The following KALRN variants were observed in gnomAD, a reference collection of about 807,000 sequenced individuals.
KALRN encodes the protein kalirin.
In KALRN, 70 loss-of-function variants were observed where a neutral mutation model predicts 353.7. The observed-to-expected ratio is 0.20, with a 90% CI of 0.16 to 0.24. The LOEUF is 0.24. Among genes scored for constraint, KALRN ranks in the 10% least tolerant of loss-of-function variants. The pLI is 1.00. For synonymous variants in KALRN, 1,391 were observed against 1,434.8 expected (o/e 0.97, Z 0.69); for missense variants, 2,791 against 3,756.7 (o/e 0.74, Z 6.72).
At chr3:124,537,315 T>C (rs1166373429) in intron 33 of KALRN, among the ~76,000 whole-genome samples, 1 of 152,224 alleles carries the variant, frequency 6.6e-6, no homozygotes, top group Admixed American at 6.5e-5. Flanking sequence ...GTACTGGGAT[T>C]ACAGGTGTGA....
At chr3:124,623,373 GATAT>G (rs72497673) in intron 34 of KALRN, among the ~76,000 whole-genome samples, 10 of 144,968 alleles carry the variant, frequency 6.9e-5, no homozygotes, top group East Asian at 2.0e-4. Context: ...ACTAATAGGA[GATAT>G]ATATATATAT....
At chr3:124,178,095 C>A (rs981409003) in intron 1 of KALRN, among the ~76,000 whole-genome samples, 26 of 152,170 alleles carry the variant, frequency 1.7e-4, no homozygotes, top group African/African-American at 6.3e-4. Context: ...TGTTTCATAG[C>A]CCTCTTGTTG....
At chr3:124,309,208 C>T (rs550663316) in intron 6 of KALRN, among the ~76,000 whole-genome samples, 5 of 151,218 alleles carry the variant, frequency 3.3e-5, no homozygotes, top group African/African-American at 1.2e-4. Context: ...CTGAATTCTA[C>T]CAAACATTTA....
intron 1 of KALRN, among the ~76,000 whole-genome samples, chr3:124,225,569 C>G (rs192235734): frequency 1.3e-5 from 2 of 152,284 alleles, no homozygotes; most frequent in Admixed American, 6.5e-5. Context: ...TGACTGCAAG[C>G]TGCATGGACA....
chr3:124,168,469 T>C (rs956006360), intron 1 of KALRN, among the ~76,000 whole-genome samples: 6 of 152,152 alleles, frequency 3.9e-5, no homozygotes, highest in African/African-American at 1.4e-4. Context: ...CTTCTGCTGG[T>C]TTGAGTCATG....
rs145318695 is a variant in KALRN, at chr3:124,176,153, C to T, written c.74-51837C>T. On this transcript the variant is annotated intron_variant, in intron 1 of 59. Transcript: ENST00000682506. The stretch of plus-strand genomic sequence containing the variant: ...TCTGGCATTACTCTTTTTTAGCTTC[C>T]CCAGATCAATCTTCCTAAAACAGCA... Among the ~76,000 whole-genome samples the T allele has an allele frequency of 2.4e-3, 363 of 152,118 alleles. 3 individuals carry two copies. The highest frequency in any genetic ancestry group is 7.8e-3 in the African/African-American group (323 of 41,502).
chr3:124,371,138 G>A (rs1472088202), intron 10 of KALRN, among the ~76,000 whole-genome samples: 1 of 152,162 alleles, frequency 6.6e-6, no homozygotes, highest in Non-Finnish European at 1.5e-5. Flanking sequence ...GTTTGAAACT[G>A]ATGTCTTATC....
chr3:124,519,788 G>T, intron 33 of KALRN: 3 of 985,392 alleles, frequency 3.0e-6, no homozygotes, highest in Non-Finnish European at 3.6e-6. Flanking sequence ...ACTGAGAATT[G>T]CTGCTGTCTT....
chr3:124,176,530 C>G (rs774030517), intron 1 of KALRN, among the ~76,000 whole-genome samples: 17 of 152,090 alleles, frequency 1.1e-4, no homozygotes, highest in Non-Finnish European at 2.5e-4. Flanking sequence ...AGCAGCTGCT[C>G]GTGCCAAAAG....
intron 33 of KALRN, among the ~76,000 whole-genome samples, chr3:124,546,719 C>T (rs2069716786): frequency 6.6e-6 from 1 of 152,118 alleles, no homozygotes; most frequent in East Asian, 1.9e-4. Flanking sequence ...GAGGGAGTGT[C>T]TCGGAAGGAT....
intron 58 of KALRN, among the ~76,000 whole-genome samples, chr3:124,716,153 C>T (rs1055515389): frequency 2.0e-5 from 3 of 152,178 alleles, no homozygotes; most frequent in African/African-American, 7.2e-5. Context: ...GAATCTGGGT[C>T]TGGATGGCTC....
Position 124,227,699 on chromosome 3 carries a change from T to G in KALRN, c.74-291T>G, listed in dbSNP as rs112307343. Among the ~76,000 whole-genome samples, 17 of 82,148 alleles carry G rather than the reference T, an allele frequency of 2.1e-4. No individual in the cohort carries two copies. The East Asian group carries it at 4.7e-3, about 23-fold the overall frequency. 53.9% of individuals were successfully genotyped at this position (82,148 alleles called of 152,430 possible). A position where few individuals can be genotyped will look rare whatever the true frequency, so the allele number is the denominator to read the frequency against. On this transcript the variant is annotated intron_variant, in intron 1 of 59. Transcript: ENST00000682506. ...TTTTTTTTTTTTTTTTTTTTTTTTT[T>G]TTTTTTGCCCCCACTGCATGGAGGT...
chr3:124,545,470 A>AT (rs35098911), intron 33 of KALRN, among the ~76,000 whole-genome samples: 4,743 of 152,044 alleles, frequency 0.031, 247 homozygotes, highest in African/African-American at 0.11. Context: ...ATATGCTGAG[A>AT]TTTTTTTTCA....
intron 34 of KALRN, among the ~76,000 whole-genome samples, chr3:124,577,213 GAA>G (rs33973349): frequency 2.2e-4 from 33 of 147,768 alleles, no homozygotes; most frequent in African/African-American, 4.4e-4. Flanking sequence ...ATACTTCCTG[GAA>G]AAAAAAAAAA....
intron 1 of KALRN, among the ~76,000 whole-genome samples, chr3:124,115,887 C>T (rs1184600487): frequency 6.6e-6 from 1 of 152,200 alleles, no homozygotes; most frequent in Non-Finnish European, 1.5e-5. Context: ...GTTCCAGGAA[C>T]ATTTCTCACT....
intron 51 of KALRN, 40 bp from the exon 52 acceptor site, chr3:124,693,764 T>C (rs1362712222): frequency 7.1e-7 from 1 of 1,406,450 alleles, no homozygotes; most frequent in East Asian, 2.3e-5. Context: ...TTTTAGTAGT[T>C]TAGGATTCAA....
intron 33 of KALRN, among the ~76,000 whole-genome samples, chr3:124,534,941 G>C (rs569379409): frequency 6.6e-6 from 1 of 152,042 alleles, no homozygotes; most frequent in Admixed American, 6.6e-5. Context: ...GCGTCAATGC[G>C]GGGAGGGGTA....
At chr3:124,384,116 C>T (rs950310198) in intron 10 of KALRN, among the ~76,000 whole-genome samples, 3 of 152,130 alleles carry the variant, frequency 2.0e-5, no homozygotes, top group Non-Finnish European at 2.9e-5. Context: ...AATTACAAGT[C>T]GGTTGCCTTT....
chr3:124,310,522 G>A lies in KALRN; in HGVS notation c.1092+11609G>A, dbSNP rs141458160. Among the ~76,000 whole-genome samples the A allele has an allele frequency of 6.5e-3, 991 of 152,186 alleles. 6 individuals are homozygous for A. Among genetic ancestry groups the A allele is most frequent in the Non-Finnish European group, 9.6e-3 (653 of 67,980 alleles). The stretch of plus-strand genomic sequence containing the variant: ...ATCCAATTTCAAAACTTAATACAAA[G>A]CAAAAGTAATTAAGACAATGTGATA... On this transcript the variant is annotated intron_variant, in intron 6 of 59. Coordinates refer to ENST00000682506, the MANE Select transcript of KALRN (RefSeq NM_001388419.1).
Sources: gnomAD v4.1 joint callset for allele counts (sites outside exome capture counted in the v4.1 genomes callset) on GRCh38, gnomAD v4.1.1 for gene constraint, MANE v1.5 for transcripts, NCBI Gene and HGNC (gene_info 2026-07-23, HGNC 2026-07-21) for gene names.